Variants in CNTNAP2 observed in about 807,000 individuals in gnomAD.
CNTNAP2 encodes contactin-associated protein-like 2.
CNTNAP2 carries 98 observed loss-of-function variants against 155.2 expected under a neutral mutation model. That is an observed-to-expected ratio of 0.63 (90% confidence interval 0.54 to 0.75). The LOEUF (loss-of-function observed/expected upper bound fraction) is 0.75, where lower values mean the gene tolerates loss of function less well. Among genes scored for constraint, CNTNAP2 ranks in the 30% least tolerant of loss-of-function variants. The probability of loss-of-function intolerance (pLI) is 0.00; values close to 1 mark genes in which losing one functional copy is unlikely to be tolerated. For missense variants in CNTNAP2, 1,727 were observed against 1,688.1 expected, an observed-to-expected ratio of 1.02 and a Z score of -0.40; for synonymous variants, 651 against 631.2, an observed-to-expected ratio of 1.03 and a Z score of -0.47.
At chr7:147,099,638 AC>A (rs1458582500) in intron 4 of CNTNAP2, among the ~76,000 whole-genome samples, 1 of 152,220 alleles carries the variant, frequency 6.6e-6, no homozygotes, top group African/African-American at 2.4e-5. Flanking sequence ...TGGACAGAAC[AC>A]TGACAATGAT....
At chr7:147,780,551 G>T (rs1432237668) in intron 13 of CNTNAP2, among the ~76,000 whole-genome samples, 1 of 152,024 alleles carries the variant, frequency 6.6e-6, no homozygotes, top group African/African-American at 2.4e-5. Context: ...AGTAATTGCT[G>T]GTTTCACTTT....
At chr7:147,907,920 T>A (rs1344198650) in intron 14 of CNTNAP2, among the ~76,000 whole-genome samples, 1 of 150,784 alleles carries the variant, frequency 6.6e-6, no homozygotes, top group Non-Finnish European at 1.5e-5. Flanking sequence ...CAGGCACGCA[T>A]CACCATGCCT....
At chr7:147,895,454 A>G (rs1799762100) in intron 13 of CNTNAP2, among the ~76,000 whole-genome samples, 1 of 152,200 alleles carries the variant, frequency 6.6e-6, no homozygotes, top group African/African-American at 2.4e-5. Context: ...GGCTGTTTTA[A>G]TACAATATGC....
chr7:147,540,962 T>C (rs951162043), intron 11 of CNTNAP2, among the ~76,000 whole-genome samples: 1 of 152,238 alleles, frequency 6.6e-6, no homozygotes, highest in African/African-American at 2.4e-5. Context: ...ATAGCAATTA[T>C]ATTTAATGTA....
intron 4 of CNTNAP2, among the ~76,000 whole-genome samples, chr7:147,091,618 ATTTTT>A (rs111317397): frequency 7.3e-6 from 1 of 137,832 alleles, no homozygotes. Flanking sequence ...CACCCAGCTA[ATTTTT>A]TTTTTTTTTT....
intron 1 of CNTNAP2, among the ~76,000 whole-genome samples, chr7:146,572,005 C>A (rs1049032319): frequency 3.9e-5 from 6 of 152,198 alleles, no homozygotes; most frequent in African/African-American, 1.4e-4. Flanking sequence ...AGGTGTGAGC[C>A]ACCGCACCTG....
At chr7:146,394,545 T>C (rs1473400245) in intron 1 of CNTNAP2, among the ~76,000 whole-genome samples, 2 of 152,104 alleles carry the variant, frequency 1.3e-5, no homozygotes, top group African/African-American at 4.8e-5. Flanking sequence ...CCTTGGCCTG[T>C]ATACACTTTC....
intron 8 of CNTNAP2, among the ~76,000 whole-genome samples, chr7:147,219,672 C>T (rs970912492): frequency 1.8e-4 from 28 of 152,204 alleles, no homozygotes; most frequent in Admixed American, 4.6e-4. Flanking sequence ...CTATGTACAA[C>T]ATTTTGCATC....
chr7:147,022,943 T>A (rs574605963), intron 3 of CNTNAP2, among the ~76,000 whole-genome samples: 1 of 152,274 alleles, frequency 6.6e-6, no homozygotes, highest in South Asian at 2.1e-4. Flanking sequence ...CTATTCTTTT[T>A]AATAGAGGTC....
At chr7:146,739,085 T>C (rs1323542083) in intron 1 of CNTNAP2, among the ~76,000 whole-genome samples, 1 of 151,974 alleles carries the variant, frequency 6.6e-6, no homozygotes, top group African/African-American at 2.4e-5. Context: ...AAAAATCAAC[T>C]CTTAGTTTTG....
chr7:146,471,008 T>G (rs941367163), intron 1 of CNTNAP2, among the ~76,000 whole-genome samples: 40 of 152,240 alleles, frequency 2.6e-4, no homozygotes, highest in African/African-American at 8.4e-4. Context: ...CAATTACCAA[T>G]TTTCTGTTTG....
chr7:148,187,079 G>T (rs1486000001), intron 18 of CNTNAP2, among the ~76,000 whole-genome samples: 1 of 150,548 alleles, frequency 6.6e-6, no homozygotes, highest in African/African-American at 2.5e-5. Context: ...TCTTTCTGAG[G>T]CCCTCTCTGT....
At chr7:146,643,266 T>TTTC in intron 1 of CNTNAP2, among the ~76,000 whole-genome samples, 1 of 151,114 alleles carries the variant, frequency 6.6e-6, no homozygotes, top group East Asian at 1.9e-4. Context: ...ATGCCTAGGT[T>TTTC]TTCTTCTAGG....
intron 15 of CNTNAP2, among the ~76,000 whole-genome samples, chr7:148,082,588 C>T (rs1199311432): frequency 6.6e-6 from 1 of 152,078 alleles, no homozygotes; most frequent in African/African-American, 2.4e-5. Flanking sequence ...AGAGAGAGAG[C>T]TTCAGGGAGG....
chr7:146,803,026 AAAAT>A (rs556620084), intron 2 of CNTNAP2, among the ~76,000 whole-genome samples: 9 of 152,290 alleles, frequency 5.9e-5, no homozygotes, highest in South Asian at 2.1e-4. Flanking sequence ...TTGCAGGTAA[AAAAT>A]AAATAAATAA....
At chr7:147,693,328 T>G (rs1401573113) in intron 13 of CNTNAP2, among the ~76,000 whole-genome samples, 4 of 152,084 alleles carry the variant, frequency 2.6e-5, no homozygotes, top group African/African-American at 7.2e-5. Flanking sequence ...ATTTTGGGTA[T>G]GTTGCCCCTT....
At chr7:146,713,780 A>G (rs1585053793) in intron 1 of CNTNAP2, among the ~76,000 whole-genome samples, 1 of 152,172 alleles carries the variant, frequency 6.6e-6, no homozygotes, top group Non-Finnish European at 1.5e-5. Flanking sequence ...TAGAAGCAGT[A>G]GATTCCTACT....
At chr7:148,332,372 G>A (rs1798042853) in intron 21 of CNTNAP2, among the ~76,000 whole-genome samples, 1 of 152,146 alleles carries the variant, frequency 6.6e-6, no homozygotes, top group Non-Finnish European at 1.5e-5. Flanking sequence ...GATATGATGT[G>A]ATGCTTTACT....
At chr7:147,106,736 A>C (rs1282300393) in intron 4 of CNTNAP2, among the ~76,000 whole-genome samples, 1 of 152,178 alleles carries the variant, frequency 6.6e-6, no homozygotes, top group Non-Finnish European at 1.5e-5. Flanking sequence ...CTGTATGCAC[A>C]ACAATTCACT....
Sources: allele counts gnomAD v4.1 joint callset (sites outside exome capture counted in the v4.1 genomes callset), GRCh38; gene constraint gnomAD v4.1.1; transcripts MANE v1.5; gene names NCBI Gene and HGNC (gene_info 2026-07-23, HGNC 2026-07-21).